Variants in P2RX1 observed in about 807,000 individuals in gnomAD.
P2RX1 encodes P2X purinoceptor 1.
P2RX1 carries 42 observed loss-of-function variants against 50.3 expected under a neutral mutation model. That is an observed-to-expected ratio of 0.83 (90% CI 0.65 to 1.08). The LOEUF is 1.08. Among genes scored for constraint, P2RX1 ranks in the 50% least tolerant of loss-of-function variants. The probability of loss-of-function intolerance (pLI) is 0.00; values close to 1 mark genes in which losing one functional copy is unlikely to be tolerated. For missense variants in P2RX1, 449 were observed against 529.0 expected (o/e 0.85, Z 1.48); for synonymous variants, 199 against 202.6 (o/e 0.98, Z 0.15).
At chr17:3,912,517 G>C (rs532269895) in intron 1 of P2RX1, among the ~76,000 whole-genome samples, 10 of 152,202 alleles carry the variant, frequency 6.6e-5, no homozygotes, top group African/African-American at 2.4e-4. Flanking sequence ...TTTTAGTAGA[G>C]ATGGGTTTTC....
At chr17:3,899,144 A>C (rs2056087606) in intron 8 of P2RX1, 120 bp from the exon 9 acceptor site, 7 of 719,512 alleles carry the variant, frequency 9.7e-6, no homozygotes, top group East Asian at 2.7e-5. Context: ...CATCCCCAAC[A>C]CCGGGCAGGA....
intron 7 of P2RX1, among the ~76,000 whole-genome samples, chr17:3,901,299 C>A (rs1054547001): frequency 6.6e-6 from 1 of 152,196 alleles, no homozygotes; most frequent in Admixed American, 6.5e-5. Context: ...GATCTCCTGA[C>A]CTCGTGATCC....
intron 3 of P2RX1, 116 bp from the exon 4 acceptor site, chr17:3,904,515 T>C: frequency 1.1e-6 from 1 of 883,844 alleles, no homozygotes; most frequent in Non-Finnish European, 1.8e-6. Flanking sequence ...CAGACCTCTC[T>C]GGAGTGACGC....
At chr17:3,906,002 C>CTCT (rs2056256394) in intron 1 of P2RX1, among the ~76,000 whole-genome samples, 1 of 152,236 alleles carries the variant, frequency 6.6e-6, no homozygotes, top group African/African-American at 2.4e-5. Flanking sequence ...AGCACGAAGG[C>CTCT]TGAGAATATG....
chr17:3,901,839 G>A (rs558524882), intron 7 of P2RX1, among the ~76,000 whole-genome samples: 180 of 152,208 alleles, frequency 1.2e-3, no homozygotes, highest in African/African-American at 4.1e-3. Flanking sequence ...AGGCAGCGAG[G>A]CACGCCACGC....
intron 1 of P2RX1, among the ~76,000 whole-genome samples, chr17:3,910,887 A>G (rs1276187673): frequency 6.6e-6 from 1 of 152,252 alleles, no homozygotes; most frequent in Non-Finnish European, 1.5e-5. Context: ...TTGGCACATA[A>G]TAGGAACTCA....
In P2RX1 at chr17:3,897,666, A is replaced by G. The variant is rs911303991; in HGVS notation, c.*148T>C. ...CAGATTTGCACAGGTCTCTCCTACT[A>G]TGCACCCTGAGCTTCTGGCAAACTG... On this transcript the variant is annotated 3_prime_UTR_variant, in exon 12 of 12. Transcript: ENST00000225538. 63 of 721,904 alleles carry G rather than the reference A, an allele frequency of 8.7e-5. No individual in the cohort carries two copies. Among genetic ancestry groups the G allele is most frequent in the Middle Eastern group, 7.4e-4 (2 of 2,718 alleles). The allele number at this position is 721,904 out of a possible 1,614,324, so 44.7% of individuals were successfully genotyped here. A position where few individuals can be genotyped will look rare whatever the true frequency, so the allele number is the denominator to read the frequency against.
chr17:3,913,270 C>T (rs1162507912), intron 1 of P2RX1, among the ~76,000 whole-genome samples: 5 of 151,916 alleles, frequency 3.3e-5, no homozygotes, highest in East Asian at 3.9e-4. Context: ...GGATTACAGG[C>T]GTGCACCACC....
Position 3,903,743 on chromosome 17 carries a change from C to T in P2RX1, c.525-112G>A. 2 of 1,266,426 alleles carry T rather than the reference C, an allele frequency of 1.6e-6. No homozygotes were observed. The highest frequency in any genetic ancestry group is 1.9e-4 in the Middle Eastern group (1 of 5,306). The allele number at this position is 1,266,426 out of a possible 1,614,324, so 78.4% of individuals were successfully genotyped here. A position where few individuals can be genotyped will look rare whatever the true frequency, so the allele number is the denominator to read the frequency against. On this transcript the variant is annotated intron_variant, in intron 5 of 11. Coordinates refer to ENST00000225538, the MANE Select transcript of P2RX1 (RefSeq NM_002558.4). This position sits in a 1 kb window ranked among gnomAD's most constrained non-coding sequence, Gnocchi z 4.6. ...CGAGCCTCCGGGACCCGCCTGCAGCCCTGGGCTGGTGGAGGGGTGGGTGTG... is the reference window on the plus strand; with the variant it reads ...CGAGCCTCCGGGACCCGCCTGCAGCTCTGGGCTGGTGGAGGGGTGGGTGTG...
intron 1 of P2RX1, among the ~76,000 whole-genome samples, chr17:3,912,868 A>G (rs2056388687): frequency 6.6e-6 from 1 of 151,978 alleles, no homozygotes; most frequent in African/African-American, 2.4e-5. Flanking sequence ...CCACTTGGAG[A>G]TCTCAGAACA....
At chr17:3,901,182 C>G (rs2056132796) in intron 7 of P2RX1, among the ~76,000 whole-genome samples, 1 of 152,192 alleles carries the variant, frequency 6.6e-6, no homozygotes, top group Non-Finnish European at 1.5e-5. Context: ...ATTCTCCTGC[C>G]TCAGCCTCCT....
In P2RX1 at chr17:3,916,290, T is replaced by C. The variant is rs1286464638; in HGVS notation, c.-65A>G. 3.8e-6 allele frequency: 6 copies of C among 1,564,198 alleles called. No homozygotes were observed. On this transcript the variant is annotated 5_prime_UTR_variant, in exon 1 of 12. Coordinates refer to ENST00000225538, the MANE Select transcript of P2RX1 (RefSeq NM_002558.4). The stretch of plus-strand genomic sequence containing the variant: ...GCCTCTGCTCTCAGGGTGAGCCGGG[T>C]GCCACCACCCACGTCGATGGTAGAG...
At chr17:3,904,202 A>T in intron 4 of P2RX1, 128 bp downstream of exon 4, 4 of 1,050,786 alleles carry the variant, frequency 3.8e-6, no homozygotes, top group East Asian at 2.4e-5. Context: ...GGCAGGAGGG[A>T]GTCCCTCCCG....
chr17:3,899,590 C>G (rs778127939), intron 8 of P2RX1, 44 bp downstream of exon 8: 1 of 1,608,996 alleles, frequency 6.2e-7, no homozygotes. Context: ...GAAAAGCCCG[C>G]AGGACCACAA....
chr17:3,903,378 G>A lies in P2RX1; in HGVS notation c.606-35C>T. The A allele has an allele frequency of 6.2e-7, 1 of 1,613,404 alleles. No homozygotes were observed. Among genetic ancestry groups the A allele is most frequent in the South Asian group, 1.1e-5 (1 of 91,046 alleles). ...TGGAAGGTGTTGACAGCTGCTGTGT[G>A]TCATCCGGGAGGGTGCCCACCACGC... On this transcript the variant is annotated intron_variant, in intron 6 of 11. Coordinates refer to ENST00000225538, the MANE Select transcript of P2RX1 (RefSeq NM_002558.4). The surrounding 1 kb of genome is among the most constrained non-coding windows in gnomAD (Gnocchi z 4.6).
intron 2 of P2RX1, 34 bp from the exon 3 acceptor site, chr17:3,904,963 G>GGGGGGGGGGGGGGGGGGGGGGC: frequency 9.2e-6 from 4 of 435,306 alleles, no homozygotes; most frequent in Non-Finnish European, 1.9e-5. Context: ...GGTGGGGTGG[G>GGGGGGGGGGGGGGGGGGGGGGC]CTGGGAGCTG....
intron 1 of P2RX1, among the ~76,000 whole-genome samples, chr17:3,908,709 C>T (rs1414512853): frequency 6.6e-6 from 1 of 152,216 alleles, no homozygotes; most frequent in Admixed American, 6.5e-5. Context: ...AGCCTCTCCC[C>T]TTCCAGAAAT....
chr17:3,916,008 T>G, intron 1 of P2RX1, 81 bp downstream of exon 1: 1 of 1,506,268 alleles, frequency 6.6e-7, no homozygotes, highest in African/African-American at 1.4e-5. Context: ...GGCTCGCTGG[T>G]GTCACGCAAG....
chr17:3,905,444 C>G (rs2056245720), intron 1 of P2RX1, 77 bp from the exon 2 acceptor site: 2 of 1,536,224 alleles, frequency 1.3e-6, no homozygotes, highest in South Asian at 2.3e-5. Flanking sequence ...CACGCCCTCC[C>G]CAGATGTGCC....
Sources: allele counts gnomAD v4.1 joint callset (sites outside exome capture counted in the v4.1 genomes callset), GRCh38; gene constraint gnomAD v4.1.1; non-coding constraint Gnocchi (gnomAD v3.1); transcripts MANE v1.5; gene names NCBI Gene and HGNC (gene_info 2026-07-23, HGNC 2026-07-21).